The following ZSCAN25 variants were observed in gnomAD, a reference collection of about 807,000 sequenced individuals.
The protein encoded by ZSCAN25 is zinc finger and SCAN domain containing 25.
In ZSCAN25, 27 loss-of-function variants were observed where a neutral mutation model predicts 38.7. The ratio of observed to expected loss-of-function variants is 0.70; its 90% CI spans 0.51 to 0.96. ZSCAN25 has a LOEUF of 0.96. Ranked by LOEUF, ZSCAN25 falls within the 40% of genes least tolerant of loss-of-function variation. ZSCAN25 has a pLI of 0.00. For synonymous variants in ZSCAN25, 273 were observed against 277.7 expected, an observed-to-expected ratio of 0.98 and a Z score of 0.17; for missense variants, 637 against 705.9, an observed-to-expected ratio of 0.90 and a Z score of 1.11.
At chr7:99,660,686 G>A in the ZSCAN25 span, 7 of 1,612,164 alleles carry the variant, frequency 4.3e-6, no homozygotes, top group Non-Finnish European at 5.9e-6. Context: ...GACATTTTAG[G>A]TAAATCAGGT....
chr7:99,623,781 G>T (rs528903166), intron 6 of ZSCAN25, among the ~76,000 whole-genome samples: 25 of 152,346 alleles, frequency 1.6e-4, no homozygotes, highest in Non-Finnish European at 3.2e-4. Context: ...TGTGAACTTT[G>T]TTCTTGATGA....
At chr7:99,716,620 A>G in the ZSCAN25 span, among the ~76,000 whole-genome samples, 1 of 152,188 alleles carries the variant, frequency 6.6e-6, no homozygotes, top group South Asian at 2.1e-4. Context: ...TTGTTCCTGC[A>G]TAAGTGTAGA....
chr7:99,628,614 G>A (rs967223812), intron 7 of ZSCAN25, among the ~76,000 whole-genome samples: 12 of 152,226 alleles, frequency 7.9e-5, no homozygotes, highest in African/African-American at 2.9e-4. Flanking sequence ...CAGTTAGCAA[G>A]CATCTTCCCT....
chr7:99,647,739 A>C, the ZSCAN25 span: 2 of 985,354 alleles, frequency 2.0e-6, no homozygotes, highest in Admixed American at 6.1e-5. Context: ...AATTCTGACA[A>C]AGGCCCCACA....
chr7:99,727,232 C>A, the ZSCAN25 span, among the ~76,000 whole-genome samples: 1 of 152,204 alleles, frequency 6.6e-6, no homozygotes, highest in Non-Finnish European at 1.5e-5. Flanking sequence ...GCTCTGTAGC[C>A]TTTTTGTCCA....
the ZSCAN25 span, among the ~76,000 whole-genome samples, chr7:99,732,251 C>T: frequency 6.6e-6 from 1 of 152,166 alleles, no homozygotes. Flanking sequence ...GTAAGATCTG[C>T]CTGCTTCTTT....
At chr7:99,660,640 G>A in the ZSCAN25 span, 74 of 1,613,872 alleles carry the variant, frequency 4.6e-5, no homozygotes, top group African/African-American at 4.5e-4. Flanking sequence ...ACTGGGCTGC[G>A]AGCTCCAGAT....
chr7:99,704,225 T>C, the ZSCAN25 span, among the ~76,000 whole-genome samples: 1 of 152,088 alleles, frequency 6.6e-6, no homozygotes, highest in African/African-American at 2.4e-5. Context: ...GCTGAAAACA[T>C]TAAATGAAAA....
At chr7:99,653,546 G>T in the ZSCAN25 span, among the ~76,000 whole-genome samples, 1 of 152,154 alleles carries the variant, frequency 6.6e-6, no homozygotes, top group African/African-American at 2.4e-5. This position sits in a 1 kb window ranked among gnomAD's most constrained non-coding sequence, Gnocchi z 4.2. Flanking sequence ...ATGATTGGAT[G>T]CTACCAAGGT....
chr7:99,638,851 G>A, the ZSCAN25 span: 1 of 644,780 alleles, frequency 1.6e-6, no homozygotes, highest in South Asian at 1.8e-5. Flanking sequence ...AAACTGAAAC[G>A]AAGGCTCCCA....
At chr7:99,735,224 T>C in the ZSCAN25 span, 34 of 1,281,896 alleles carry the variant, frequency 2.7e-5, no homozygotes, top group Non-Finnish European at 3.7e-5. Flanking sequence ...GGATTGTTTA[T>C]ATGCTGGAGA....
At chr7:99,635,576 C>A (rs565380343), downstream of ZSCAN25, among the ~76,000 whole-genome samples, 10 of 152,266 alleles carry the variant, frequency 6.6e-5, no homozygotes, top group South Asian at 4.1e-4. Context: ...TTCCTTCCCC[C>A]TCCCCCATTT....
the ZSCAN25 span, chr7:99,707,814 G>A: frequency 4.3e-6 from 7 of 1,613,840 alleles, no homozygotes; most frequent in Non-Finnish European, 5.9e-6. Context: ...TGACTGACCT[G>A]TGTTTCTTTA....
At chr7:99,683,435 A>G in the ZSCAN25 span, among the ~76,000 whole-genome samples, 15 of 152,212 alleles carry the variant, frequency 9.9e-5, no homozygotes, top group African/African-American at 3.6e-4. Flanking sequence ...TTATCTATCT[A>G]GAAGGGTATG....
chr7:99,697,490 C>T, the ZSCAN25 span, among the ~76,000 whole-genome samples: 8 of 152,256 alleles, frequency 5.3e-5, no homozygotes, highest in South Asian at 6.2e-4. Flanking sequence ...GATCCATATG[C>T]GTCATGTGTG....
the ZSCAN25 span, among the ~76,000 whole-genome samples, chr7:99,648,740 G>A: frequency 1.3e-5 from 2 of 151,772 alleles, no homozygotes; most frequent in Non-Finnish European, 2.9e-5. Flanking sequence ...AGGTATTATG[G>A]CAAACTATTT....
the ZSCAN25 span, among the ~76,000 whole-genome samples, chr7:99,712,024 C>T: frequency 6.6e-6 from 1 of 152,112 alleles, no homozygotes; most frequent in Non-Finnish European, 1.5e-5. Flanking sequence ...TGATTGATTG[C>T]AGTCTGATGA....
chr7:99,632,991 T>TGTTG (rs200782513), downstream of ZSCAN25, among the ~76,000 whole-genome samples: 2 of 147,228 alleles, frequency 1.4e-5, no homozygotes, highest in African/African-American at 5.1e-5. Flanking sequence ...TTTCTGTTGT[T>TGTTG]TTTTTTTTTT....
chr7:99,737,537 C>G, the ZSCAN25 span, among the ~76,000 whole-genome samples: 3 of 152,226 alleles, frequency 2.0e-5, no homozygotes, highest in South Asian at 2.1e-4. Flanking sequence ...CACATTCTGA[C>G]AAGTAAAGAT....
Sources: gnomAD v4.1 joint callset for allele counts (sites outside exome capture counted in the v4.1 genomes callset) on GRCh38, gnomAD v4.1.1 for gene constraint, Gnocchi (gnomAD v3.1) non-coding constraint, MANE v1.5 for transcripts, NCBI Gene and HGNC (gene_info 2026-07-23, HGNC 2026-07-21) for gene names.